The following C8B variants were observed in gnomAD, a reference collection of about 807,000 sequenced individuals.
C8B encodes complement C8 beta chain.
A neutral mutation model predicts 64.6 loss-of-function variants in C8B; 67 were observed. The ratio of observed to expected loss-of-function variants is 1.04; its 90% CI spans 0.85 to 1.27. The LOEUF (loss-of-function observed/expected upper bound fraction) is 1.27, where lower values mean the gene tolerates loss of function less well. Ranked by LOEUF, C8B falls within the 50% of genes most tolerant of loss-of-function variation. The pLI, the probability that C8B is intolerant of heterozygous loss-of-function variation, is 0.00. For synonymous variants in C8B, 284 were observed against 257.7 expected (o/e 1.10, Z -0.98); for missense variants, 790 against 725.2 (o/e 1.09, Z -1.03).
intron 9 of C8B, among the ~76,000 whole-genome samples, chr1:56,939,990 G>A (rs1644826806): frequency 6.7e-6 from 1 of 148,184 alleles, no homozygotes; most frequent in Non-Finnish European, 1.5e-5. Context: ...TAGTTGTTGT[G>A]ATGTCTTGTC....
In C8B at chr1:56,954,839, A is replaced by G. The variant is rs181374539; in HGVS notation, c.392-12T>C. On this transcript the variant is annotated splice_polypyrimidine_tract_variant and intron_variant, in intron 3 of 11. Coordinates refer to ENST00000371237, the MANE Select transcript of C8B (RefSeq NM_000066.4). Reference sequence around the variant, plus strand: ...GTTTACACACCTTCCTAGAATGGAGAAAGAGTATTACCCACAGCCACATGG... The same window carrying G: ...GTTTACACACCTTCCTAGAATGGAGGAAGAGTATTACCCACAGCCACATGG... 581 of 1,614,118 alleles carry G rather than the reference A, an allele frequency of 3.6e-4. 2 individuals are homozygous for G. The highest frequency in any genetic ancestry group is 2.7e-5 in the Non-Finnish European group (32 of 1,179,986).
At chr1:56,936,996 T>C (rs1644785292) in intron 9 of C8B, among the ~76,000 whole-genome samples, 1 of 152,218 alleles carries the variant, frequency 6.6e-6, no homozygotes, top group African/African-American at 2.4e-5. Context: ...ATTTATATTT[T>C]AAGCACTCCC....
At chr1:56,929,717 C>T (rs183278553) in intron 11 of C8B, among the ~76,000 whole-genome samples, 159 bp from the exon 12 acceptor site, 139 of 152,276 alleles carry the variant, frequency 9.1e-4, no homozygotes, top group African/African-American at 2.9e-3. Context: ...ATGCTCTTGC[C>T]TACCACAGGG....
rs141295453 is a variant in C8B at position 56,945,959 on chromosome 1, G to A, written c.967C>T (p.Arg323Trp). 6.2e-4 allele frequency: 1,000 copies of A among 1,614,110 alleles called. No individual in the cohort carries two copies. The highest frequency in any genetic ancestry group is 9.9e-4 in the Middle Eastern group (6 of 6,060). The change falls in exon 7 of 12, where the codon CGG (arginine) becomes TGG (tryptophan). Residue 323 changes from arginine (R) to tryptophan (W), a missense_variant. By Grantham distance (101) the Arg-to-Trp change is moderately radical. Transcript: ENST00000371237. The part of the protein sequence containing the change: ...LHYEFLQRVK[R>W]LPLEYSYGEY... ...CCGTAGCTGTACTCCAGGGGCAGCC[G>A]CTTAACTCTCTGAAGGAACTCGTAA...
At chr1:56,943,540 A>G (rs937744781) in intron 8 of C8B, among the ~76,000 whole-genome samples, 156 bp downstream of exon 8, 8 of 152,234 alleles carry the variant, frequency 5.3e-5, no homozygotes, top group African/African-American at 1.7e-4. Context: ...AGTTAGCGAT[A>G]TGTTAGATGG....
intron 2 of C8B, chr1:56,959,469 AG>A: frequency 9.9e-7 from 1 of 1,009,358 alleles, no homozygotes; most frequent in Non-Finnish European, 1.5e-6. Context: ...GCTCCTGAGT[AG>A]GAGTTTCAAA....
chr1:56,963,105 A>G (rs966139876), intron 1 of C8B, among the ~76,000 whole-genome samples: 2 of 152,172 alleles, frequency 1.3e-5, no homozygotes, highest in African/African-American at 4.8e-5. Context: ...TGCCCCCTCT[A>G]CTTAAGGACT....
At position 56,929,409 on chromosome 1, in the gene C8B, A is replaced by G. The variant is rs1644662093; in HGVS notation, c.1771T>C (p.Ser591Pro). 3.1e-6 allele frequency: 5 copies of G among 1,612,068 alleles called. No homozygotes were observed. Among genetic ancestry groups the G allele is most frequent in the Non-Finnish European group, 4.2e-6 (5 of 1,179,886 alleles). ...SGPASETLDC[S>P] is the part of the protein sequence containing the mutation. ...GCCCACTGCTGTATCATCTGCTAGGAGCAGTCAAGTGTTTCTGAAGCAGGG... is the reference window on the plus strand; with the variant it reads ...GCCCACTGCTGTATCATCTGCTAGGGGCAGTCAAGTGTTTCTGAAGCAGGG... The change falls in exon 12 of 12, where the codon TCC becomes CCC. Residue 591 changes from serine to proline, a missense_variant. Coordinates refer to ENST00000371237, the MANE Select transcript of C8B (RefSeq NM_000066.4).
At chr1:56,955,615 T>C (rs1645091343) in intron 3 of C8B, among the ~76,000 whole-genome samples, 1 of 152,224 alleles carries the variant, frequency 6.6e-6, no homozygotes, top group Non-Finnish European at 1.5e-5. Context: ...CAAATGTTTC[T>C]TACCAGACAT....
intron 2 of C8B, among the ~76,000 whole-genome samples, chr1:56,958,169 A>G (rs1162886236): frequency 3.3e-5 from 5 of 152,150 alleles, no homozygotes; most frequent in Non-Finnish European, 7.3e-5. Context: ...TAGGAAAGTG[A>G]TTACAGGATT....
chr1:56,931,723 A>C, intron 11 of C8B, 87 bp downstream of exon 11: 1 of 865,734 alleles, frequency 1.2e-6, no homozygotes, highest in East Asian at 2.6e-5. Flanking sequence ...CCTAGTATCC[A>C]GCCCCACACT....
At chr1:56,963,816 G>T (rs1181355009) in intron 1 of C8B, 46 of 962,014 alleles carry the variant, frequency 4.8e-5, no homozygotes, top group Non-Finnish European at 5.3e-5. Context: ...CAAGTTGCTG[G>T]CACAGAGTGG....
intron 9 of C8B, among the ~76,000 whole-genome samples, chr1:56,939,708 G>C (rs1228653130): frequency 6.6e-6 from 1 of 152,180 alleles, no homozygotes; most frequent in Non-Finnish European, 1.5e-5. Flanking sequence ...GTGACAAGTG[G>C]TTAGGATCAT....
intron 1 of C8B, among the ~76,000 whole-genome samples, chr1:56,965,230 G>A (rs931265497): frequency 2.2e-4 from 33 of 152,138 alleles, no homozygotes; most frequent in African/African-American, 8.0e-4. Flanking sequence ...TCCCCACATT[G>A]CTACGTCACT....
intron 1 of C8B, among the ~76,000 whole-genome samples, chr1:56,962,090 C>A (rs1459814043): frequency 6.6e-6 from 1 of 152,120 alleles, no homozygotes; most frequent in Non-Finnish European, 1.5e-5. Context: ...AACTCCAGGG[C>A]CATAGGTGAG....
At chr1:56,951,448 A>AC (rs1645020200) in intron 5 of C8B, among the ~76,000 whole-genome samples, 1 of 152,084 alleles carries the variant, frequency 6.6e-6, no homozygotes, top group Non-Finnish European at 1.5e-5. Flanking sequence ...GCTATTCTAT[A>AC]CCCCACTGTC....
intron 3 of C8B, among the ~76,000 whole-genome samples, chr1:56,956,353 G>T (rs1291262850): frequency 6.6e-6 from 1 of 152,140 alleles, no homozygotes; most frequent in East Asian, 1.9e-4. Context: ...TCAGTTGAGG[G>T]AGCCAAAATG....
intron 9 of C8B, among the ~76,000 whole-genome samples, chr1:56,939,568 G>A (rs1422590974): frequency 6.6e-6 from 1 of 152,166 alleles, no homozygotes; most frequent in East Asian, 1.9e-4. Context: ...GAAGAGCATG[G>A]TGTTAAGACG....
At chr1:56,934,790 G>A (rs925496547) in intron 9 of C8B, among the ~76,000 whole-genome samples, 1 of 152,116 alleles carries the variant, frequency 6.6e-6, no homozygotes, top group Non-Finnish European at 1.5e-5. Context: ...CACACAAGGG[G>A]TGGGGGTGGG....
Sources: allele counts gnomAD v4.1 joint callset (sites outside exome capture counted in the v4.1 genomes callset), GRCh38; gene constraint gnomAD v4.1.1; transcripts MANE v1.5; gene names NCBI Gene and HGNC (gene_info 2026-07-23, HGNC 2026-07-21).